EYS: variants seen among roughly 807,000 people sequenced by gnomAD.
EYS encodes EGF-like photoreceptor maintenance factor.
EYS carries 250 observed loss-of-function variants against 282.1 expected under a neutral mutation model. The observed-to-expected ratio is 0.89, with a 90% CI of 0.80 to 0.98. The LOEUF is 0.98. Among genes scored for constraint, EYS ranks in the 50% least tolerant of loss-of-function variants. EYS has a pLI of 0.00. For synonymous variants in EYS, 1,355 were observed against 1,282.9 expected (o/e 1.06, Z -1.20); for missense variants, 4,016 against 3,709.0 (o/e 1.08, Z -2.15).
intron 36 of EYS, among the ~76,000 whole-genome samples, chr6:63,831,946 C>T (rs1038733827): frequency 2.6e-5 from 4 of 152,108 alleles, no homozygotes; most frequent in African/African-American, 9.7e-5. Context: ...GGAAACTGAA[C>T]AACCTGCTCC....
intron 22 of EYS, among the ~76,000 whole-genome samples, chr6:64,754,240 T>C (rs1054029809): frequency 6.6e-6 from 1 of 152,024 alleles, no homozygotes; most frequent in Non-Finnish European, 1.5e-5. Context: ...CAGAAAAATC[T>C]AAAGAAAATG....
At chr6:65,363,700 T>C (rs1187399072) in intron 8 of EYS, among the ~76,000 whole-genome samples, 2 of 151,972 alleles carry the variant, frequency 1.3e-5, no homozygotes, top group African/African-American at 2.4e-5. Context: ...TTTAGTAGCA[T>C]TTATTTAGAT....
intron 8 of EYS, among the ~76,000 whole-genome samples, chr6:65,363,424 C>A (rs1368959838): frequency 6.6e-6 from 1 of 151,738 alleles, no homozygotes; most frequent in East Asian, 1.9e-4. Context: ...ATTGACTCTA[C>A]TCATTTTTTG....
Position 64,591,095 on chromosome 6 carries a change from G to T in EYS, c.4772C>A (p.Ala1591Glu), listed in dbSNP as rs754252474. ...HFYETFWMNS[A>E]ILASWYALMG... ...TAGTGCATACCAGCTGGCTAATATC[G>T]CTGAGTTCATCCAGAATGTCTCATA... The change falls in exon 26 of 43, where the codon GCG becomes GAG. Residue 1591 changes from alanine to glutamate, a missense_variant. Physicochemically the swap from Ala to Glu is moderately radical, Grantham distance 107 (BLOSUM62 -1). Transcript: ENST00000503581. The T allele has an allele frequency of 1.9e-6, 3 of 1,551,092 alleles. No individual in the cohort carries two copies. Among genetic ancestry groups the T allele is most frequent in the South Asian group, 1.2e-5 (1 of 84,060 alleles).
chr6:64,773,322 T>C (rs1413126365), intron 22 of EYS, among the ~76,000 whole-genome samples: 1 of 151,980 alleles, frequency 6.6e-6, no homozygotes, highest in African/African-American at 2.4e-5. Context: ...CATTCTTTTT[T>C]ATGGCTGCAT....
chr6:64,516,324 A>G (rs75692625), intron 26 of EYS, among the ~76,000 whole-genome samples: 7 of 151,694 alleles, frequency 4.6e-5, no homozygotes, highest in Non-Finnish European at 8.8e-5. Context: ...GAGGGAGAGG[A>G]CCAGGAAAAG....
chr6:64,030,363 G>T (rs1769762425), intron 33 of EYS, among the ~76,000 whole-genome samples: 1 of 152,166 alleles, frequency 6.6e-6, no homozygotes, highest in African/African-American at 2.4e-5. Context: ...TTCTTAAGTG[G>T]AATGTCGACC....
At chr6:65,531,538 G>A (rs901961558) in intron 2 of EYS, among the ~76,000 whole-genome samples, 4 of 152,158 alleles carry the variant, frequency 2.6e-5, no homozygotes, top group African/African-American at 9.7e-5. Flanking sequence ...CAGACTACAT[G>A]AAAGGAAACA....
intron 26 of EYS, among the ~76,000 whole-genome samples, chr6:64,502,328 C>T (rs993215403): frequency 6.6e-6 from 1 of 152,070 alleles, no homozygotes; most frequent in Non-Finnish European, 1.5e-5. Flanking sequence ...GCAAGCTCCG[C>T]CTCCGGGGTT....
intron 26 of EYS, among the ~76,000 whole-genome samples, chr6:64,559,349 A>T (rs1400690193): frequency 1.3e-5 from 2 of 149,916 alleles, no homozygotes; most frequent in Admixed American, 1.3e-4. Flanking sequence ...GCTGGAGTGC[A>T]GTGGAAGGAT....
intron 2 of EYS, among the ~76,000 whole-genome samples, chr6:65,540,625 T>G: frequency 6.6e-6 from 1 of 152,102 alleles, no homozygotes; most frequent in Admixed American, 6.6e-5. Flanking sequence ...CTTTTAAAAC[T>G]TAGAGAAAGG....
chr6:64,529,344 T>C (rs536500475), intron 26 of EYS, among the ~76,000 whole-genome samples: 1 of 152,204 alleles, frequency 6.6e-6, no homozygotes, highest in African/African-American at 2.4e-5. Context: ...TACCAATTCA[T>C]ACACAATCTT....
chr6:64,291,610 TAA>T (rs1200670262), intron 30 of EYS, among the ~76,000 whole-genome samples: 9 of 152,048 alleles, frequency 5.9e-5, no homozygotes, highest in Admixed American at 5.9e-4. Flanking sequence ...ATATTTCAGT[TAA>T]AAACTTATGC....
intron 5 of EYS, among the ~76,000 whole-genome samples, chr6:65,433,497 ATGTT>A (rs1767958082): frequency 6.6e-6 from 1 of 152,166 alleles, no homozygotes; most frequent in African/African-American, 2.4e-5. Flanking sequence ...GATTAAGAGA[ATGTT>A]TGAGATTAAT....
intron 11 of EYS, among the ~76,000 whole-genome samples, chr6:65,318,590 T>G: frequency 6.8e-6 from 1 of 147,456 alleles, no homozygotes; most frequent in East Asian, 1.9e-4. Flanking sequence ...ATATTTTGTA[T>G]ATATAATTTA....
intron 28 of EYS, among the ~76,000 whole-genome samples, chr6:64,425,414 G>C (rs1209199714): frequency 6.6e-6 from 1 of 152,070 alleles, no homozygotes; most frequent in Non-Finnish European, 1.5e-5. Context: ...CAGCACTTTG[G>C]GAGGCCGAGG....
chr6:65,566,549 T>C (rs1253495678), intron 2 of EYS, among the ~76,000 whole-genome samples: 2 of 152,190 alleles, frequency 1.3e-5, no homozygotes, highest in Non-Finnish European at 2.9e-5. Context: ...CTTTTGTGTG[T>C]TGGCTGAATT....
intron 22 of EYS, among the ~76,000 whole-genome samples, chr6:64,708,140 G>C (rs530306089): frequency 5.3e-5 from 8 of 152,166 alleles, no homozygotes; most frequent in Non-Finnish European, 8.8e-5. Flanking sequence ...TGAGTAACAC[G>C]TATGCAGGCC....
chr6:64,752,874 A>C (rs185549902), intron 22 of EYS, among the ~76,000 whole-genome samples: 87 of 152,300 alleles, frequency 5.7e-4, no homozygotes, highest in African/African-American at 1.9e-3. Flanking sequence ...TCACAAACTT[A>C]AAAACCTAGA....
Sources: allele counts gnomAD v4.1 joint callset (sites outside exome capture counted in the v4.1 genomes callset), GRCh38; gene constraint gnomAD v4.1.1; transcripts MANE v1.5; gene names NCBI Gene and HGNC (gene_info 2026-07-23, HGNC 2026-07-21).